The following SDHC variants were observed in gnomAD, a reference collection of about 807,000 sequenced individuals.
SDHC encodes succinate dehydrogenase complex subunit C.
Under a neutral mutation model 22.6 loss-of-function variants are expected in SDHC, and 11 were observed. That is an observed-to-expected ratio of 0.49 (90% CI 0.31 to 0.81). SDHC has a LOEUF of 0.81. Ranked by LOEUF, SDHC falls within the 30% of genes least tolerant of loss-of-function variation. The pLI is 0.05. For synonymous variants in SDHC, 80 were observed against 77.8 expected (o/e 1.03, Z -0.15); for missense variants, 160 against 212.0 (o/e 0.75, Z 1.52).
chr1:161,349,618 A>T (rs1672034561), intron 4 of SDHC, among the ~76,000 whole-genome samples: 1 of 152,240 alleles, frequency 6.6e-6, no homozygotes, highest in South Asian at 2.1e-4. Context: ...ACAGATTCAT[A>T]AAGTAACTGA....
In SDHC at chr1:161,342,589, A is replaced by C. The variant is rs570357084; in HGVS notation, c.241+1934A>C. 1.6e-4 allele frequency among the ~76,000 whole-genome samples: 24 copies of C among 151,624 alleles called. No homozygotes were observed. In the South Asian group the frequency reaches 4.8e-3, roughly 30 times the overall value. On this transcript the variant is annotated intron_variant, in intron 4 of 5. Coordinates refer to ENST00000367975, the MANE Select transcript of SDHC (RefSeq NM_003001.5). ...AATGGCACAGCCTTGGCTCACTGCA[A>C]CCTCATGAGACCAGCCTCCTGGGTT...
At chr1:161,360,438 C>G (rs558584307) in intron 5 of SDHC, among the ~76,000 whole-genome samples, 24 of 151,750 alleles carry the variant, frequency 1.6e-4, no homozygotes, top group African/African-American at 5.3e-4. Context: ...TGCCTGTAGT[C>G]CCAGCTACTT....
intron 4 of SDHC, among the ~76,000 whole-genome samples, 192 bp downstream of exon 4, chr1:161,340,847 C>CT (rs1177077267): frequency 1.3e-5 from 2 of 151,968 alleles, no homozygotes; most frequent in Non-Finnish European, 2.9e-5. Flanking sequence ...TTCTTTTCTT[C>CT]TTTTTTTTCT....
intron 4 of SDHC, among the ~76,000 whole-genome samples, chr1:161,347,814 C>T (rs563007749): frequency 5.9e-5 from 9 of 151,978 alleles, no homozygotes; most frequent in East Asian, 3.9e-4. Flanking sequence ...TGCAGTGAGC[C>T]GAGATCACGC....
chr1:161,351,803 C>T (rs1282603681), intron 4 of SDHC, among the ~76,000 whole-genome samples: 1 of 152,222 alleles, frequency 6.6e-6, no homozygotes, highest in Non-Finnish European at 1.5e-5. Context: ...CAGTTATGTG[C>T]TGTCACACTG....
At chr1:161,342,392 G>A (rs568234631) in intron 4 of SDHC, among the ~76,000 whole-genome samples, 1 of 152,278 alleles carries the variant, frequency 6.6e-6, no homozygotes, top group Admixed American at 6.5e-5. Context: ...TCTGTTCCAA[G>A]TTGATAGTCC....
At chr1:161,355,893 A>G (rs188827126) in intron 4 of SDHC, among the ~76,000 whole-genome samples, 22 of 151,978 alleles carry the variant, frequency 1.4e-4, no homozygotes, top group Admixed American at 5.2e-4. Flanking sequence ...CTGAGGCACA[A>G]GAATGGCTTG....
intron 3 of SDHC, among the ~76,000 whole-genome samples, chr1:161,329,283 G>A (rs1241438651): frequency 6.6e-6 from 1 of 152,132 alleles, no homozygotes; most frequent in African/African-American, 2.4e-5. Flanking sequence ...ACAAGAAGAA[G>A]TTGCAATGAT....
chr1:161,320,131 C>T (rs1218997864), intron 1 of SDHC, among the ~76,000 whole-genome samples: 1 of 151,944 alleles, frequency 6.6e-6, no homozygotes, highest in Admixed American at 6.6e-5. Context: ...TGTTACAGTC[C>T]TAGTGAGAAA....
chr1:161,355,276 G>A (rs1047560583), intron 4 of SDHC, among the ~76,000 whole-genome samples: 1 of 152,036 alleles, frequency 6.6e-6, no homozygotes, highest in Non-Finnish European at 1.5e-5. Context: ...TTTATTTATC[G>A]TCCTTGGAAA....
intron 4 of SDHC, among the ~76,000 whole-genome samples, chr1:161,351,518 A>G (rs1236506503): frequency 6.6e-6 from 1 of 152,198 alleles, no homozygotes; most frequent in African/African-American, 2.4e-5. Flanking sequence ...AGAATAGTTA[A>G]TCTTATACCT....
At chr1:161,339,880 A>C (rs749245906) in intron 3 of SDHC, among the ~76,000 whole-genome samples, 1 of 151,628 alleles carries the variant, frequency 6.6e-6, no homozygotes, top group Non-Finnish European at 1.5e-5. Flanking sequence ...GGGTTTCTCC[A>C]TGTTGGTCAG....
intron 4 of SDHC, 143 bp from the exon 5 acceptor site, chr1:161,356,534 G>T (rs891840825): frequency 1.6e-5 from 14 of 877,900 alleles, no homozygotes; most frequent in Admixed American, 6.0e-5. Flanking sequence ...ATGAGACTCT[G>T]TCTCAAGAAA....
At chr1:161,349,322 G>A (rs1571880965) in intron 4 of SDHC, among the ~76,000 whole-genome samples, 1 of 151,946 alleles carries the variant, frequency 6.6e-6, no homozygotes, top group South Asian at 2.1e-4. Flanking sequence ...AAATTAGCTG[G>A]GTGTAGGTGG....
At chr1:161,343,598 A>G (rs1671793762) in intron 4 of SDHC, among the ~76,000 whole-genome samples, 1 of 152,102 alleles carries the variant, frequency 6.6e-6, no homozygotes, top group Non-Finnish European at 1.5e-5. Flanking sequence ...GATAGGGTAA[A>G]TCTCAAGATT....
At chr1:161,333,544 C>T (rs1311657177) in intron 3 of SDHC, among the ~76,000 whole-genome samples, 1 of 152,050 alleles carries the variant, frequency 6.6e-6, no homozygotes, top group Admixed American at 6.6e-5. Context: ...GCTGGGACTA[C>T]AGGCATGCGC....
intron 1 of SDHC, among the ~76,000 whole-genome samples, chr1:161,318,051 C>G (rs61602668): frequency 6.6e-6 from 1 of 151,588 alleles, no homozygotes; most frequent in Non-Finnish European, 1.5e-5. Context: ...GCGCGCCTGT[C>G]GTCCCAGCTA....
chr1:161,342,125 T>C (rs1671739648), intron 4 of SDHC, among the ~76,000 whole-genome samples: 1 of 152,212 alleles, frequency 6.6e-6, no homozygotes, highest in Non-Finnish European at 1.5e-5. Flanking sequence ...CTGTGTGATG[T>C]GATTACTAGT....
At chr1:161,342,578 G>A (rs1671759658) in intron 4 of SDHC, among the ~76,000 whole-genome samples, 2 of 149,800 alleles carry the variant, frequency 1.3e-5, no homozygotes, top group Admixed American at 1.3e-4. Flanking sequence ...GCACAGCCTT[G>A]GCTCACTGCA....
Sources: gnomAD v4.1 joint callset for allele counts (sites outside exome capture counted in the v4.1 genomes callset) on GRCh38, gnomAD v4.1.1 for gene constraint, MANE v1.5 for transcripts, NCBI Gene and HGNC (gene_info 2026-07-23, HGNC 2026-07-21) for gene names.